Variants in SBF2 observed in about 807,000 individuals in gnomAD.
The protein encoded by SBF2 is myotubularin-related protein 13.
Under a neutral mutation model 225.2 loss-of-function variants are expected in SBF2, and 112 were observed. That is an observed-to-expected ratio of 0.50 (90% CI 0.43 to 0.58). The LOEUF is 0.58. SBF2 is among the 20% of genes least tolerant of loss of function. The pLI, the probability that SBF2 is intolerant of heterozygous loss-of-function variation, is 0.00. For synonymous variants in SBF2, 763 were observed against 773.3 expected, an observed-to-expected ratio of 0.99 and a Z score of 0.22; for missense variants, 1,996 against 2,206.2, an observed-to-expected ratio of 0.90 and a Z score of 1.91.
chr11:9,849,718 T>C (rs1445947534), intron 22 of SBF2, among the ~76,000 whole-genome samples: 1 of 152,248 alleles, frequency 6.6e-6, no homozygotes, highest in Non-Finnish European at 1.5e-5. Context: ...CAGCAAGGGA[T>C]ATATTCAGCA....
chr11:10,118,181 C>T (rs1194362286), intron 2 of SBF2, among the ~76,000 whole-genome samples: 1 of 152,172 alleles, frequency 6.6e-6, no homozygotes, highest in Non-Finnish European at 1.5e-5. Flanking sequence ...AAAGACAGGA[C>T]ATTAGACAAT....
chr11:10,134,584 C>T (rs987120507), intron 2 of SBF2, among the ~76,000 whole-genome samples: 2 of 152,170 alleles, frequency 1.3e-5, no homozygotes, highest in African/African-American at 4.8e-5. Context: ...GTAAATACAG[C>T]CATTTCAAAT....
At chr11:9,989,753 G>C (rs750699902) in intron 12 of SBF2, among the ~76,000 whole-genome samples, 158 bp from the exon 13 acceptor site, 13 of 152,090 alleles carry the variant, frequency 8.5e-5, no homozygotes, top group Non-Finnish European at 1.6e-4. Context: ...TCCATTCTGG[G>C]GTTACAGGGT....
intron 13 of SBF2, among the ~76,000 whole-genome samples, chr11:9,975,613 A>G (rs2134412422): frequency 6.6e-6 from 1 of 152,292 alleles, no homozygotes; most frequent in East Asian, 1.9e-4. Context: ...AAAAGTATAC[A>G]TTTTACTGTA....
intron 17 of SBF2, among the ~76,000 whole-genome samples, chr11:9,865,188 G>A (rs1362288284): frequency 1.3e-5 from 2 of 152,128 alleles, no homozygotes; most frequent in Non-Finnish European, 2.9e-5. Context: ...GGTTTTTCAT[G>A]CATTATGTTG....
At chr11:9,877,356 A>C (rs887481557) in intron 17 of SBF2, among the ~76,000 whole-genome samples, 1 of 152,236 alleles carries the variant, frequency 6.6e-6, no homozygotes, top group African/African-American at 2.4e-5. Context: ...GCCAACAATT[A>C]GGTTTTAAAA....
chr11:9,811,746 T>C (rs780392806), intron 30 of SBF2, among the ~76,000 whole-genome samples: 5 of 151,230 alleles, frequency 3.3e-5, no homozygotes, highest in Non-Finnish European at 5.9e-5. Flanking sequence ...TTTAGTCCAA[T>C]GTGCTGTGGG....
intron 16 of SBF2, among the ~76,000 whole-genome samples, chr11:9,949,199 T>C (rs893911323): frequency 6.6e-6 from 1 of 152,172 alleles, no homozygotes; most frequent in African/African-American, 2.4e-5. Context: ...ATAAATGCTA[T>C]TGATTTTTAT....
intron 1 of SBF2, among the ~76,000 whole-genome samples, chr11:10,259,096 T>A (rs1961180178): frequency 6.6e-6 from 1 of 152,196 alleles, no homozygotes; most frequent in Admixed American, 6.5e-5. Flanking sequence ...TGGATTTAAC[T>A]AGCTTGAGAA....
At chr11:10,267,513 C>A (rs1303713491) in intron 1 of SBF2, among the ~76,000 whole-genome samples, 1 of 152,050 alleles carries the variant, frequency 6.6e-6, no homozygotes, top group East Asian at 1.9e-4. Context: ...AGGAGTGTGG[C>A]AAGTTTCTGA....
At chr11:9,992,353 TACTTTTA>T in intron 12 of SBF2, 55 bp downstream of exon 12, 1 of 1,381,132 alleles carries the variant, frequency 7.2e-7, no homozygotes, top group Non-Finnish European at 9.9e-7. Flanking sequence ...TGTTACTTTT[TACTTTTA>T]ACTACTAGTC....
At chr11:10,291,426 A>C (rs1964150847) in intron 1 of SBF2, among the ~76,000 whole-genome samples, 1 of 152,140 alleles carries the variant, frequency 6.6e-6, no homozygotes, top group Admixed American at 6.5e-5. Context: ...GTGAAAAATA[A>C]ATTTCTATTG....
intron 6 of SBF2, among the ~76,000 whole-genome samples, chr11:10,026,935 A>G (rs560600945): frequency 1.3e-5 from 2 of 152,256 alleles, no homozygotes; most frequent in Non-Finnish European, 2.9e-5. Context: ...GTGAGTAAAA[A>G]CTTGCACTAG....
rs567730968 is a variant in SBF2, at chr11:9,830,693, T to C, written c.3653-1197A>G. ...AGGCGGAGGTTGCAGTGAGCCAAGATTGCGCCATTGCACTCCAGCCTGAGC... is the reference window on the plus strand; with the variant it reads ...AGGCGGAGGTTGCAGTGAGCCAAGACTGCGCCATTGCACTCCAGCCTGAGC... On this transcript the variant is annotated intron_variant, in intron 27 of 39. Coordinates refer to ENST00000256190, the MANE Select transcript of SBF2 (RefSeq NM_030962.4). 1.4e-3 allele frequency among the ~76,000 whole-genome samples: 203 copies of C among 150,016 alleles called. 1 individual carries two copies. Among genetic ancestry groups the C allele is most frequent in the Non-Finnish European group, 1.4e-3 (97 of 67,798 alleles).
intron 2 of SBF2, among the ~76,000 whole-genome samples, chr11:10,072,072 C>T (rs1260384428): frequency 6.6e-6 from 1 of 152,086 alleles, no homozygotes; most frequent in Non-Finnish European, 1.5e-5. Context: ...CATTTACATA[C>T]ACATGTATGT....
chr11:10,068,505 C>T (rs1442378892), intron 2 of SBF2, among the ~76,000 whole-genome samples: 1 of 152,176 alleles, frequency 6.6e-6, no homozygotes, highest in Admixed American at 6.5e-5. Flanking sequence ...GAATAAAAGA[C>T]ATATTCAAAT....
At chr11:10,238,279 C>G (rs1959159438) in intron 1 of SBF2, among the ~76,000 whole-genome samples, 1 of 151,856 alleles carries the variant, frequency 6.6e-6, no homozygotes, top group Non-Finnish European at 1.5e-5. Flanking sequence ...TGTGGTGGCG[C>G]ACACCGGCAA....
chr11:9,943,125 T>G (rs1865381370), intron 16 of SBF2, among the ~76,000 whole-genome samples: 2 of 152,160 alleles, frequency 1.3e-5, no homozygotes, highest in Non-Finnish European at 2.9e-5. Context: ...TTATTGCAAA[T>G]CAGTGGTGAA....
At chr11:10,123,625 T>C (rs1187318524) in intron 2 of SBF2, among the ~76,000 whole-genome samples, 2 of 152,118 alleles carry the variant, frequency 1.3e-5, no homozygotes, top group African/African-American at 2.4e-5. Flanking sequence ...CTAGTTCCTG[T>C]TGTATTCAGA....
Sources: gnomAD v4.1 joint callset for allele counts (sites outside exome capture counted in the v4.1 genomes callset) on GRCh38, gnomAD v4.1.1 for gene constraint, MANE v1.5 for transcripts, NCBI Gene and HGNC (gene_info 2026-07-23, HGNC 2026-07-21) for gene names.